The following RTL10 variants were observed in gnomAD, a reference collection of about 807,000 sequenced individuals.
The protein encoded by RTL10 is retrotransposon Gag like 10, also known as protein Bop.
For missense variants in RTL10, 477 were observed against 470.7 expected (o/e 1.01, Z -0.12); for synonymous variants, 199 against 188.4 (o/e 1.06, Z -0.46).
At chr22:19,852,905 G>C (rs1239343232) in intron 2 of RTL10, among the ~76,000 whole-genome samples, 1 of 152,128 alleles carries the variant, frequency 6.6e-6, no homozygotes, top group Non-Finnish European at 1.5e-5. Context: ...TGGCTGGAGA[G>C]ACCAGAGGCT....
Position 19,848,992 on chromosome 22 carries a change from A to G in RTL10, c.*2175T>C. 1 of 985,538 alleles carries G rather than the reference A, an allele frequency of 1.0e-6. No individual in the cohort carries two copies. The highest frequency in any genetic ancestry group is 1.2e-6 in the Non-Finnish European group (1 of 830,038). 61.0% of individuals were successfully genotyped at this position (985,538 alleles called of 1,614,324 possible). On this transcript the variant is annotated 3_prime_UTR_variant, in exon 3 of 3. Transcript: ENST00000328554. ...AGCCAGGCCACAGTGCACTGGAGGTAGGCATCAGGGAGCAGTCTGACCCAA... is the reference window on the plus strand; with the variant it reads ...AGCCAGGCCACAGTGCACTGGAGGTGGGCATCAGGGAGCAGTCTGACCCAA...
At chr22:19,853,541 G>A (rs1938160476) in intron 2 of RTL10, among the ~76,000 whole-genome samples, 1 of 152,156 alleles carries the variant, frequency 6.6e-6, no homozygotes, top group African/African-American at 2.4e-5. Context: ...GGCTCACTGG[G>A]AGCACAAGGC....
In RTL10 at chr22:19,850,276, C is replaced by T; in HGVS notation, c.*891G>A. The T allele has an allele frequency of 1.0e-6, 1 of 983,818 alleles. No homozygotes were observed. 60.9% of individuals were successfully genotyped at this position (983,818 alleles called of 1,614,324 possible). On this transcript the variant is annotated 3_prime_UTR_variant, in exon 3 of 3. Transcript: ENST00000328554. The stretch of plus-strand genomic sequence containing the variant: ...GTGTTTAATGAGCACCAATTGTGTA[C>T]CAGGCCACAGAGCTGACTAAGACAG...
chr22:19,850,784 C>A lies in RTL10; in HGVS notation c.*383G>T, dbSNP rs1366764379. The stretch of plus-strand genomic sequence containing the variant: ...GCAGACGTGGCAGACCCAGTTCAGT[C>A]CCAGCCAGTGTGGAAGACACCAAGG... On this transcript the variant is annotated 3_prime_UTR_variant, in exon 3 of 3. Coordinates refer to ENST00000328554, the MANE Select transcript of RTL10 (RefSeq NM_024627.6). 11 of 1,274,164 alleles carry A rather than the reference C, an allele frequency of 8.6e-6. No individual in the cohort carries two copies. The highest frequency in any genetic ancestry group is 3.7e-5 in the Admixed American group (1 of 26,942). The allele number at this position is 1,274,164 out of a possible 1,614,324, so 78.9% of individuals were successfully genotyped here. A position where few individuals can be genotyped will look rare whatever the true frequency, so the allele number is the denominator to read the frequency against.
chr22:19,851,302 T>G lies in RTL10; in HGVS notation c.960A>C (p.Gly320=), dbSNP rs1464141514. The part of the protein sequence containing the change: ...PAQRPDPAHP[G]GPKPQKTEEE... ...CCTCTGTTTTCTGGGGTTTTGGACCTCCTGGATGAGCTGGGTCTGGTCTCT... is the reference window on the plus strand; with the variant it reads ...CCTCTGTTTTCTGGGGTTTTGGACCGCCTGGATGAGCTGGGTCTGGTCTCT... The change falls in exon 3 of 3, where the codon GGA becomes GGC. Residue 320 remains glycine (G), a synonymous_variant. Coordinates refer to ENST00000328554, the MANE Select transcript of RTL10 (RefSeq NM_024627.6). 2 of 1,613,888 alleles carry G rather than the reference T, an allele frequency of 1.2e-6. No individual in the cohort carries two copies. The highest frequency in any genetic ancestry group is 1.7e-6 in the Non-Finnish European group (2 of 1,179,960).
In RTL10 at chr22:19,851,896, G is replaced by A. The variant is rs140705991; in HGVS notation, c.366C>T (p.Gly122=). Reference sequence around the variant, plus strand: ...GCTCAAAGTGGAAGGACATGTAATCGCCCAGCTGGGCCAAGAAGCGGTCCA... The same window carrying A: ...GCTCAAAGTGGAAGGACATGTAATCACCCAGCTGGGCCAAGAAGCGGTCCA... ...WLLDRFLAQL[G]DYMSFHFEHY... Residue 122 remains glycine, a synonymous_variant, in exon 3 of 3, where the codon GGC becomes GGT. Transcript: ENST00000328554. The A allele has an allele frequency of 2.2e-5, 35 of 1,613,902 alleles. No homozygotes were observed. In the African/African-American group the frequency reaches 2.8e-4, roughly 13 times the overall value.
chr22:19,853,709 AC>A (rs1187115516), intron 2 of RTL10, among the ~76,000 whole-genome samples: 1 of 145,964 alleles, frequency 6.9e-6, no homozygotes, highest in African/African-American at 2.6e-5. Context: ...CTCAGGTCTG[AC>A]CCCCCTCTGG....
chr22:19,850,957 G>T lies in RTL10; in HGVS notation c.*210C>A. On this transcript the variant is annotated 3_prime_UTR_variant, in exon 3 of 3. Transcript: ENST00000328554. Reference sequence around the variant, plus strand: ...GGATGCAGCAGAGAGCCAGCAGCAGGGAAAGGGCACAGGGCGGAGGTCAAG... The same window carrying T: ...GGATGCAGCAGAGAGCCAGCAGCAGTGAAAGGGCACAGGGCGGAGGTCAAG... 1 of 1,375,696 alleles carries T rather than the reference G, an allele frequency of 7.3e-7. No homozygotes were observed. Among genetic ancestry groups the T allele is most frequent in the Non-Finnish European group, 9.4e-7 (1 of 1,068,470 alleles). 85.2% of individuals were successfully genotyped at this position (1,375,696 alleles called of 1,614,324 possible).
chr22:19,849,041 T>G lies in RTL10; in HGVS notation c.*2126A>C, dbSNP rs994407983. 5 of 985,320 alleles carry G rather than the reference T, an allele frequency of 5.1e-6. No individual in the cohort carries two copies. Among genetic ancestry groups the G allele is most frequent in the South Asian group, 4.7e-5 (1 of 21,290 alleles). 61.0% of individuals were successfully genotyped at this position (985,320 alleles called of 1,614,324 possible). On this transcript the variant is annotated 3_prime_UTR_variant, in exon 3 of 3. Transcript: ENST00000328554. ...AACCCACAAAAGGGGGGATGGGGCCTGAGTCATCGGACGGAGGGCAGCTGT... is the reference window on the plus strand; with the variant it reads ...AACCCACAAAAGGGGGGATGGGGCCGGAGTCATCGGACGGAGGGCAGCTGT...
chr22:19,849,047 A>T lies in RTL10; in HGVS notation c.*2120T>A, dbSNP rs1245172565. The T allele has an allele frequency of 2.0e-6, 2 of 985,394 alleles. No homozygotes were observed. The highest frequency in any genetic ancestry group is 3.5e-5 in the African/African-American group (2 of 57,238). The allele number at this position is 985,394 out of a possible 1,614,324, so 61.0% of individuals were successfully genotyped here. A position where few individuals can be genotyped will look rare whatever the true frequency, so the allele number is the denominator to read the frequency against. On this transcript the variant is annotated 3_prime_UTR_variant, in exon 3 of 3. Coordinates refer to ENST00000328554, the MANE Select transcript of RTL10 (RefSeq NM_024627.6). ...CAAAAGGGGGGATGGGGCCTGAGTC[A>T]TCGGACGGAGGGCAGCTGTGACCTG... is the stretch of plus-strand genomic sequence containing the variant.
In RTL10 at chr22:19,848,286, G is replaced by A. The variant is rs781578137; in HGVS notation, c.*2881C>T. On this transcript the variant is annotated 3_prime_UTR_variant, in exon 3 of 3. Coordinates refer to ENST00000328554, the MANE Select transcript of RTL10 (RefSeq NM_024627.6). ...GAAAGCAGAGCCAGCACCATGGCCCGTCCCTGAGCATGTCCAGCAAACCCT... is the reference window on the plus strand; with the variant it reads ...GAAAGCAGAGCCAGCACCATGGCCCATCCCTGAGCATGTCCAGCAAACCCT... The A allele has an allele frequency of 1.1e-4, 107 of 985,292 alleles. No homozygotes were observed. In the Admixed American group the frequency reaches 1.6e-3, roughly 15 times the overall value. The allele number at this position is 985,292 out of a possible 1,614,324, so 61.0% of individuals were successfully genotyped here.
In RTL10 at chr22:19,851,964, G is replaced by T; in HGVS notation, c.298C>A (p.Pro100Thr). 6.2e-7 allele frequency: 1 copy of T among 1,614,144 alleles called. No individual in the cohort carries two copies. Among genetic ancestry groups the T allele is most frequent in the Non-Finnish European group, 8.5e-7 (1 of 1,179,988 alleles). ...RPHRVDFCWV[P>T]GSDPGTFDGS... ...TCAAAGGTGCCTGGGTCTGAGCCTG[G>T]TACCCAGCAGAAGTCCACCCTGTGG... The change falls in exon 3 of 3, where the codon CCA (proline) becomes ACA (threonine). Residue 100 changes from proline to threonine, a missense_variant. Physicochemically the swap from Pro to Thr is conservative, Grantham distance 38. Transcript: ENST00000328554.
chr22:19,851,928 A>G lies in RTL10; in HGVS notation c.334T>C (p.Trp112Arg). The G allele has an allele frequency of 6.2e-7, 1 of 1,614,150 alleles. No homozygotes were observed. The highest frequency in any genetic ancestry group is 8.5e-7 in the Non-Finnish European group (1 of 1,179,986). ...TGGGCCAAGAAGCGGTCCAGTAGCC[A>G]CGGGGAGCCATCAAAGGTGCCTGGG... The part of the protein sequence containing the change: ...SDPGTFDGSP[W>R]LLDRFLAQLG... Residue 112 changes from tryptophan to arginine, a missense_variant, in exon 3 of 3, where the codon TGG becomes CGG. Coordinates refer to ENST00000328554, the MANE Select transcript of RTL10 (RefSeq NM_024627.6).
Position 19,848,539 on chromosome 22 carries a change from C to T in RTL10, c.*2628G>A, listed in dbSNP as rs953736168. On this transcript the variant is annotated 3_prime_UTR_variant, in exon 3 of 3. Transcript: ENST00000328554. ...ATGCCAGAGTCCATCGTTGCCTCCA[C>T]CCTACCTGTGCAGGAAACCTGGACA... 2.9e-5 allele frequency: 29 copies of T among 985,424 alleles called. No individual in the cohort carries two copies. Among genetic ancestry groups the T allele is most frequent in the Non-Finnish European group, 3.4e-5 (28 of 829,982 alleles). The allele number at this position is 985,424 out of a possible 1,614,324, so 61.0% of individuals were successfully genotyped here. A position where few individuals can be genotyped will look rare whatever the true frequency, so the allele number is the denominator to read the frequency against.
chr22:19,850,148 C>T lies in RTL10; in HGVS notation c.*1019G>A, dbSNP rs1215780345. 4 of 985,478 alleles carry T rather than the reference C, an allele frequency of 4.1e-6. No homozygotes were observed. Among genetic ancestry groups the T allele is most frequent in the Non-Finnish European group, 4.8e-6 (4 of 830,074 alleles). The allele number at this position is 985,478 out of a possible 1,614,324, so 61.0% of individuals were successfully genotyped here. On this transcript the variant is annotated 3_prime_UTR_variant, in exon 3 of 3. Coordinates refer to ENST00000328554, the MANE Select transcript of RTL10 (RefSeq NM_024627.6). ...CCTGCCAGAAACCACAGCTGCAATG[C>T]TGACCTGGAATGCTCATGGCCAGGC...
At chr22:19,853,997 C>T (rs1030093243) in intron 2 of RTL10, among the ~76,000 whole-genome samples, 19 of 152,192 alleles carry the variant, frequency 1.2e-4, no homozygotes, top group Non-Finnish European at 1.9e-4. Flanking sequence ...CACTCACCTG[C>T]GCACCTGTGT....
chr22:19,851,980 C>T lies in RTL10; in HGVS notation c.282G>A (p.Val94=), dbSNP rs1485386169. ...GHMPSSRPHR[V]DFCWVPGSDP... ...CTGAGCCTGGTACCCAGCAGAAGTC[C>T]ACCCTGTGGGGTCGGGAGCTGGGCA... The change falls in exon 3 of 3, where the codon GTG becomes GTA. Residue 94 remains valine (V), a synonymous_variant. Coordinates refer to ENST00000328554, the MANE Select transcript of RTL10 (RefSeq NM_024627.6). 1 of 1,614,160 alleles carries T rather than the reference C, an allele frequency of 6.2e-7. No individual in the cohort carries two copies. Among genetic ancestry groups the T allele is most frequent in the Middle Eastern group, 1.6e-4 (1 of 6,062 alleles).
chr22:19,848,910 G>A lies in RTL10; in HGVS notation c.*2257C>T. 4 of 985,084 alleles carry A rather than the reference G, an allele frequency of 4.1e-6. No homozygotes were observed. The highest frequency in any genetic ancestry group is 4.8e-6 in the Non-Finnish European group (4 of 829,574). The allele number at this position is 985,084 out of a possible 1,614,324, so 61.0% of individuals were successfully genotyped here. On this transcript the variant is annotated 3_prime_UTR_variant, in exon 3 of 3. Transcript: ENST00000328554. ...GGGACAGGGTAAAGGTCAGCTGGGT[G>A]ACTAGGCTGTCCATCCTAGAGAGCA... is the stretch of plus-strand genomic sequence containing the variant.
At position 19,852,242 on chromosome 22, in the gene RTL10, C is replaced by T. The variant is rs780270208; in HGVS notation, c.20G>A (p.Arg7His). 36 of 1,607,980 alleles carry T rather than the reference C, an allele frequency of 2.2e-5. No individual in the cohort carries two copies. The highest frequency in any genetic ancestry group is 8.9e-5 in the East Asian group (4 of 44,826). The stretch of plus-strand genomic sequence containing the variant: ...GATGGGAATGCGAGGGCCCTGCTGA[C>T]GGCACCGGCCACGAGGCATGCTGGG... MPRGRC[R>H]QQGPRIPIWA... The change falls in exon 3 of 3, where the codon CGT becomes CAT. Residue 7 changes from arginine (R) to histidine (H), a missense_variant. By Grantham distance (29) the Arg-to-His change is conservative. Coordinates refer to ENST00000328554, the MANE Select transcript of RTL10 (RefSeq NM_024627.6).
Sources: gnomAD v4.1 joint callset for allele counts (sites outside exome capture counted in the v4.1 genomes callset) on GRCh38, gnomAD v4.1.1 for gene constraint, MANE v1.5 for transcripts, NCBI Gene and HGNC (gene_info 2026-07-23, HGNC 2026-07-21) for gene names.